The following EPHB1 variants were observed in gnomAD, a reference collection of about 807,000 sequenced individuals.
EPHB1 encodes the protein ephrin type-B receptor 1.
In EPHB1, 30 loss-of-function variants were observed where a neutral mutation model predicts 94.4. The observed-to-expected ratio is 0.32, with a 90% CI of 0.24 to 0.43. The LOEUF is 0.43. EPHB1 is among the 20% of genes least tolerant of loss of function. EPHB1 has a pLI of 1.00. For missense variants in EPHB1, 1,055 were observed against 1,308.3 expected, an observed-to-expected ratio of 0.81 and a Z score of 2.99; for synonymous variants, 522 against 489.1, an observed-to-expected ratio of 1.07 and a Z score of -0.89.
intron 1 of EPHB1, among the ~76,000 whole-genome samples, chr3:134,908,105 G>C (rs1245357778): frequency 6.6e-6 from 1 of 152,230 alleles, no homozygotes; most frequent in African/African-American, 2.4e-5. Context: ...CCTTGCCTGG[G>C]AATAGTTCCT....
At chr3:135,026,713 A>C (rs1008290883) in intron 3 of EPHB1, among the ~76,000 whole-genome samples, 3 of 129,292 alleles carry the variant, frequency 2.3e-5, no homozygotes, top group Non-Finnish European at 3.3e-5. Flanking sequence ...TTTTGGTTCC[A>C]TATGAACTTT....
intron 3 of EPHB1, among the ~76,000 whole-genome samples, chr3:134,968,992 A>G (rs916265462): frequency 2.0e-5 from 3 of 152,240 alleles, no homozygotes; most frequent in Admixed American, 6.5e-5. Context: ...CCAATTTTTG[A>G]TTATAAATAG....
At chr3:135,171,651 G>T (rs1474600381) in intron 9 of EPHB1, among the ~76,000 whole-genome samples, 1 of 152,166 alleles carries the variant, frequency 6.6e-6, no homozygotes, top group Non-Finnish European at 1.5e-5. Flanking sequence ...GACCTAACTT[G>T]CTGTTTATTT....
At chr3:135,215,929 T>A (rs1454319110) in intron 12 of EPHB1, among the ~76,000 whole-genome samples, 1 of 152,170 alleles carries the variant, frequency 6.6e-6, no homozygotes, top group Non-Finnish European at 1.5e-5. Context: ...AAACTTGCAT[T>A]GTAAGAAATG....
At chr3:134,889,421 A>G (rs2037922619) in intron 1 of EPHB1, among the ~76,000 whole-genome samples, 2 of 152,140 alleles carry the variant, frequency 1.3e-5, no homozygotes, top group Non-Finnish European at 2.9e-5. Context: ...ATGGTAAGGG[A>G]GACGAGGTGA....
At chr3:134,899,618 T>C (rs1270633242) in intron 1 of EPHB1, among the ~76,000 whole-genome samples, 1 of 152,224 alleles carries the variant, frequency 6.6e-6, no homozygotes, top group East Asian at 1.9e-4. Context: ...TTTCAACCAC[T>C]CAAAACACAC....
chr3:135,010,002 G>A (rs1430325968), intron 3 of EPHB1, among the ~76,000 whole-genome samples: 1 of 152,120 alleles, frequency 6.6e-6, no homozygotes, highest in South Asian at 2.1e-4. Flanking sequence ...GTGCTGCACA[G>A]CTATCCCTCT....
At chr3:134,853,011 A>G (rs112367122) in intron 1 of EPHB1, among the ~76,000 whole-genome samples, 31 of 152,122 alleles carry the variant, frequency 2.0e-4, no homozygotes, top group African/African-American at 7.2e-4. Flanking sequence ...CTGACTTTCT[A>G]TGACTGTCAC....
intron 11 of EPHB1, among the ~76,000 whole-genome samples, chr3:135,198,624 G>A (rs1017140454): frequency 6.6e-6 from 1 of 152,152 alleles, no homozygotes; most frequent in African/African-American, 2.4e-5. Flanking sequence ...AAAACCCAGA[G>A]TTCTGGTCCC....
intron 12 of EPHB1, among the ~76,000 whole-genome samples, chr3:135,203,800 T>A (rs1333923386): frequency 3.3e-5 from 5 of 152,172 alleles, no homozygotes; most frequent in African/African-American, 9.7e-5. Context: ...ATCTGGGGTG[T>A]CTTTTGGGCA....
chr3:135,254,639 C>A (rs1381439722), intron 15 of EPHB1, among the ~76,000 whole-genome samples: 1 of 151,988 alleles, frequency 6.6e-6, no homozygotes, highest in Non-Finnish European at 1.5e-5. Flanking sequence ...AAGATTTTAG[C>A]ATCAATGTTC....
At chr3:135,154,091 A>G in intron 5 of EPHB1, 61 bp from the exon 6 acceptor site, 3 of 1,604,646 alleles carry the variant, frequency 1.9e-6, no homozygotes, top group Non-Finnish European at 2.6e-6. Flanking sequence ...CCTCTGGAAG[A>G]TGGCCCTTCC....
At chr3:135,176,567 A>G (rs1226053418) in intron 9 of EPHB1, among the ~76,000 whole-genome samples, 2 of 152,218 alleles carry the variant, frequency 1.3e-5, no homozygotes, top group Non-Finnish European at 2.9e-5. Context: ...ACAAGCTAGC[A>G]AAGCAGCACA....
intron 3 of EPHB1, among the ~76,000 whole-genome samples, chr3:135,052,748 C>T (rs1481468603): frequency 1.4e-5 from 2 of 146,928 alleles, no homozygotes; most frequent in African/African-American, 2.5e-5. Context: ...GTAGTCCCAG[C>T]TACTCGGGAG....
chr3:135,156,286 G>T (rs1941352612), intron 6 of EPHB1, among the ~76,000 whole-genome samples: 1 of 152,102 alleles, frequency 6.6e-6, no homozygotes, highest in African/African-American at 2.4e-5. Flanking sequence ...CCTGGGAGTT[G>T]TCAGTATGTA....
At chr3:135,207,272 T>A (rs1942922217) in intron 12 of EPHB1, among the ~76,000 whole-genome samples, 1 of 152,254 alleles carries the variant, frequency 6.6e-6, no homozygotes, top group South Asian at 2.1e-4. Flanking sequence ...CACAGTGATA[T>A]GGCCACCTGT....
intron 1 of EPHB1, among the ~76,000 whole-genome samples, chr3:134,834,653 C>T (rs905339714): frequency 3.9e-5 from 6 of 152,176 alleles, no homozygotes; most frequent in African/African-American, 1.4e-4. Flanking sequence ...CCCTATGATC[C>T]TGTGGCTCAT....
chr3:135,215,514 C>T (rs1229211535), intron 12 of EPHB1, among the ~76,000 whole-genome samples: 1 of 152,200 alleles, frequency 6.6e-6, no homozygotes, highest in Admixed American at 6.5e-5. Context: ...AACTTTCTCA[C>T]TTTCCAGTCA....
At chr3:135,163,315 T>A (rs1941563316) in intron 7 of EPHB1, among the ~76,000 whole-genome samples, 2 of 152,204 alleles carry the variant, frequency 1.3e-5, no homozygotes. Context: ...GGACCTTGCC[T>A]TAAAGCTGAG....
Sources: gnomAD v4.1 joint callset for allele counts (sites outside exome capture counted in the v4.1 genomes callset) on GRCh38, gnomAD v4.1.1 for gene constraint, MANE v1.5 for transcripts, NCBI Gene and HGNC (gene_info 2026-07-23, HGNC 2026-07-21) for gene names.